IL1RAPL2: variants seen among roughly 807,000 people sequenced by gnomAD.
IL1RAPL2 encodes interleukin 1 receptor accessory protein like 2.
In IL1RAPL2, 3 loss-of-function variants were observed where a neutral mutation model predicts 44.1. That is an observed-to-expected ratio of 0.07 (90% CI 0.03 to 0.18). IL1RAPL2 has a LOEUF of 0.18. IL1RAPL2 is among the 10% of genes least tolerant of loss of function. The probability of loss-of-function intolerance (pLI) is 1.00; values close to 1 mark genes in which losing one functional copy is unlikely to be tolerated. For missense variants in IL1RAPL2, 391 were observed against 496.4 expected (o/e 0.79, Z 2.02); for synonymous variants, 181 against 178.8 (o/e 1.01, Z -0.10).
chrX:104,730,598 A>G (rs1438474145), intron 2 of IL1RAPL2, among the ~76,000 whole-genome samples: 1 of 104,576 alleles, frequency 9.6e-6, no homozygotes, highest in Non-Finnish European at 2.0e-5. Context: ...TATATGTGCC[A>G]CATTTTCTTA....
At chrX:105,009,846 A>G (rs1455661311) in intron 2 of IL1RAPL2, among the ~76,000 whole-genome samples, 1 of 110,927 alleles carries the variant, frequency 9.0e-6, no homozygotes, top group Non-Finnish European at 1.9e-5. Context: ...TTAATGGAGT[A>G]TTTTCCTCTC....
At chrX:105,118,487 G>C (rs952247469) in intron 2 of IL1RAPL2, among the ~76,000 whole-genome samples, 1 of 112,149 alleles carries the variant, frequency 8.9e-6, no homozygotes, top group African/African-American at 3.2e-5. Context: ...TTTGTGTTAG[G>C]ATTAAATTTA....
At chrX:105,670,908 AT>A (rs1484065458) in intron 6 of IL1RAPL2, among the ~76,000 whole-genome samples, 4 of 107,109 alleles carry the variant, frequency 3.7e-5, no homozygotes, top group African/African-American at 1.3e-4. Context: ...TATTATATAT[AT>A]ATACCATACA....
At chrX:105,339,176 G>A (rs1011353819) in intron 5 of IL1RAPL2, among the ~76,000 whole-genome samples, 3 of 111,886 alleles carry the variant, frequency 2.7e-5, no homozygotes, top group Non-Finnish European at 5.6e-5. Context: ...GCCCCAAACT[G>A]GGATGTTGTG....
chrX:105,093,645 A>T (rs927457803), intron 2 of IL1RAPL2, among the ~76,000 whole-genome samples: 3 of 111,814 alleles, frequency 2.7e-5, no homozygotes, highest in African/African-American at 9.8e-5. Flanking sequence ...AAGCCTAGCG[A>T]AGACTGAAAG....
At chrX:104,639,590 G>T (rs1257962552) in intron 1 of IL1RAPL2, among the ~76,000 whole-genome samples, 5 of 111,019 alleles carry the variant, frequency 4.5e-5, no homozygotes, top group Non-Finnish European at 9.4e-5. Context: ...TTCTTTGTGT[G>T]ATTGCTTTAC....
chrX:105,387,052 G>A (rs1206555522), intron 5 of IL1RAPL2, among the ~76,000 whole-genome samples: 2 of 111,188 alleles, frequency 1.8e-5, no homozygotes. Context: ...ATATGTATAT[G>A]CACTTATGTG....
intron 2 of IL1RAPL2, among the ~76,000 whole-genome samples, chrX:104,919,640 C>T (rs1445444791): frequency 2.0e-4 from 21 of 106,409 alleles, no homozygotes; most frequent in African/African-American, 6.9e-4. Flanking sequence ...AAGTGATTCT[C>T]CTGCCCTTAG....
intron 2 of IL1RAPL2, among the ~76,000 whole-genome samples, chrX:104,953,837 T>C (rs1044510013): frequency 1.2e-4 from 13 of 111,883 alleles, no homozygotes; most frequent in African/African-American, 2.6e-4. Context: ...ACATCTAATA[T>C]ATATTTTTGT....
At chrX:104,966,574 TAC>T (rs754819125) in intron 2 of IL1RAPL2, among the ~76,000 whole-genome samples, 35 of 112,012 alleles carry the variant, frequency 3.1e-4, no homozygotes, top group Non-Finnish European at 6.4e-4. Context: ...TACTTAACAA[TAC>T]AGTCTCAAAA....
chrX:105,315,578 G>GTGTATATATATATATATATATATATA (rs1433365173), intron 5 of IL1RAPL2, among the ~76,000 whole-genome samples: 2 of 21,820 alleles, frequency 9.2e-5, no homozygotes, highest in Non-Finnish European at 1.7e-4. Flanking sequence ...ACTAATGGAT[G>GTGTATATATATATATATATATATATA]TATATATATA....
intron 6 of IL1RAPL2, among the ~76,000 whole-genome samples, chrX:105,529,276 CAG>C (rs1288396386): frequency 9.0e-6 from 1 of 111,183 alleles, no homozygotes; most frequent in Non-Finnish European, 1.9e-5. Flanking sequence ...AGATATCTGA[CAG>C]ATTAAATCAC....
At chrX:105,007,334 T>A (rs1340403231) in intron 2 of IL1RAPL2, among the ~76,000 whole-genome samples, 1 of 111,588 alleles carries the variant, frequency 9.0e-6, no homozygotes, top group Admixed American at 9.5e-5. Flanking sequence ...ATGTGGAAAC[T>A]ATGTCCCAAA....
chrX:105,499,092 C>A (rs1409875625), intron 6 of IL1RAPL2, among the ~76,000 whole-genome samples: 1 of 111,267 alleles, frequency 9.0e-6, no homozygotes, highest in African/African-American at 3.3e-5. Context: ...CCGATACTGT[C>A]CCTGTTCATG....
chrX:105,765,788 G>A (rs1018840663), intron 10 of IL1RAPL2, among the ~76,000 whole-genome samples: 4 of 112,758 alleles, frequency 3.5e-5, no homozygotes, highest in African/African-American at 1.3e-4. Flanking sequence ...TTTTCAAATT[G>A]CTTGTACTGA....
chrX:104,729,552 T>C (rs973357460), intron 2 of IL1RAPL2, among the ~76,000 whole-genome samples: 5 of 107,480 alleles, frequency 4.7e-5, no homozygotes, highest in African/African-American at 1.7e-4. Context: ...ACAGGTTTGT[T>C]ATATAGGTAA....
intron 5 of IL1RAPL2, among the ~76,000 whole-genome samples, chrX:105,413,880 A>G (rs979878082): frequency 2.7e-5 from 3 of 112,396 alleles, no homozygotes; most frequent in African/African-American, 9.7e-5. Flanking sequence ...TGTAAAATAC[A>G]CACTGGATTT....
chrX:105,403,250 A>G (rs2035618277), intron 5 of IL1RAPL2, among the ~76,000 whole-genome samples: 2 of 111,955 alleles, frequency 1.8e-5, no homozygotes, highest in Admixed American at 1.9e-4. Context: ...TGATTTGGTG[A>G]AACAGGTGGA....
intron 2 of IL1RAPL2, among the ~76,000 whole-genome samples, chrX:105,125,326 C>A (rs2032964112): frequency 9.1e-6 from 1 of 110,207 alleles, no homozygotes; most frequent in Non-Finnish European, 1.9e-5. Context: ...AGAGCTTATA[C>A]CTTGAAAAAA....
Sources: gnomAD v4.1 joint callset for allele counts (sites outside exome capture counted in the v4.1 genomes callset) on GRCh38, gnomAD v4.1.1 for gene constraint, MANE v1.5 for transcripts, NCBI Gene and HGNC (gene_info 2026-07-23, HGNC 2026-07-21) for gene names.